ZNF487: variants seen among roughly 807,000 people sequenced by gnomAD.
ZNF487 encodes the protein zinc finger protein 487, also known as KRAB domain only 1.
Under a neutral mutation model 3.0 loss-of-function variants are expected in ZNF487, and 4 were observed. That is an observed-to-expected ratio of 1.35 (90% CI 0.66 to 3.08). The LOEUF (loss-of-function observed/expected upper bound fraction) is 3.08, where lower values mean the gene tolerates loss of function less well. Ranked by LOEUF, ZNF487 falls within the 30% of genes most tolerant of loss-of-function variation. The pLI is 0.01. For synonymous variants in ZNF487, 55 were observed against 34.6 expected, an observed-to-expected ratio of 1.59 and a Z score of -2.06; for missense variants, 146 against 98.7, an observed-to-expected ratio of 1.48 and a Z score of -2.03.
Position 43,482,878 on chromosome 10 carries a change from C to A in ZNF487, c.*956C>A, listed in dbSNP as rs770220655. Reference sequence around the variant, plus strand: ...ATGTTCTACCACAAGTCATCCCTCACAGTACATCAGAGAACCCACACAGGA... The same window carrying A: ...ATGTTCTACCACAAGTCATCCCTCAAAGTACATCAGAGAACCCACACAGGA... On this transcript the variant is annotated 3_prime_UTR_variant, in exon 4 of 4. Transcript: ENST00000437590. The A allele has an allele frequency of 3.8e-6, 2 of 529,560 alleles. No individual in the cohort carries two copies. The highest frequency in any genetic ancestry group is 2.0e-5 in the African/African-American group (1 of 50,888). 32.8% of individuals were successfully genotyped at this position (529,560 alleles called of 1,614,324 possible). A position where few individuals can be genotyped will look rare whatever the true frequency, so the allele number is the denominator to read the frequency against.
chr10:43,441,946 G>A (rs1270226438), intron 1 of ZNF487, among the ~76,000 whole-genome samples: 1 of 152,112 alleles, frequency 6.6e-6, no homozygotes, highest in African/African-American at 2.4e-5. Context: ...TCTTGCTGTG[G>A]TTGGCCATGT....
chr10:43,446,286 G>C (rs988552477), intron 1 of ZNF487, among the ~76,000 whole-genome samples: 2 of 150,948 alleles, frequency 1.3e-5, no homozygotes, highest in Non-Finnish European at 3.0e-5. Context: ...TCCCAGACGG[G>C]GTGGCTGCTG....
At chr10:43,455,415 A>G (rs975920150) in intron 1 of ZNF487, among the ~76,000 whole-genome samples, 1 of 152,242 alleles carries the variant, frequency 6.6e-6, no homozygotes, top group Non-Finnish European at 1.5e-5. Context: ...CAACCACCAC[A>G]TCACTCAGCT....
the ZNF487 span, among the ~76,000 whole-genome samples, chr10:43,501,766 C>A: frequency 2.2e-5 from 3 of 138,878 alleles, no homozygotes; most frequent in Admixed American, 8.1e-5. Context: ...ACAAAAAAAA[C>A]CCACAAAACC....
At chr10:43,456,762 G>A (rs1840219196) in intron 1 of ZNF487, among the ~76,000 whole-genome samples, 1 of 152,024 alleles carries the variant, frequency 6.6e-6, no homozygotes, top group African/African-American at 2.4e-5. Context: ...TGTATTTTTA[G>A]TGAAGATAGA....
chr10:43,450,357 C>T (rs1839963811), intron 1 of ZNF487, among the ~76,000 whole-genome samples: 1 of 147,962 alleles, frequency 6.8e-6, no homozygotes, highest in African/African-American at 2.5e-5. Flanking sequence ...CTCTTTTTTG[C>T]TTTGTTTTTT....
chr10:43,477,821 G>A (rs752853977), intron 3 of ZNF487, among the ~76,000 whole-genome samples: 3 of 151,694 alleles, frequency 2.0e-5, no homozygotes, highest in African/African-American at 4.8e-5. Flanking sequence ...GTGTGGTGGC[G>A]GATGCCTGTA....
intron 1 of ZNF487, among the ~76,000 whole-genome samples, chr10:43,461,180 T>C (rs1020898662): frequency 6.6e-6 from 1 of 151,962 alleles, no homozygotes; most frequent in African/African-American, 2.4e-5. Context: ...CTAATTTTTG[T>C]ATTTATAGTA....
chr10:43,468,424 AACC>A (rs1724508442), intron 1 of ZNF487, among the ~76,000 whole-genome samples: 1 of 152,106 alleles, frequency 6.6e-6, no homozygotes, highest in South Asian at 2.1e-4. Context: ...TCATTCCTGT[AACC>A]CCAGCACTTT....
chr10:43,486,716 C>T (rs540374586), downstream of ZNF487, among the ~76,000 whole-genome samples: 66 of 152,206 alleles, frequency 4.3e-4, no homozygotes, highest in Non-Finnish European at 7.1e-4. Flanking sequence ...AGGATAAAAG[C>T]CATCTTTTTA....
At chr10:43,441,666 A>G (rs1417675879) in intron 1 of ZNF487, among the ~76,000 whole-genome samples, 1 of 151,944 alleles carries the variant, frequency 6.6e-6, no homozygotes, top group Non-Finnish European at 1.5e-5. Flanking sequence ...GGCTCACTGC[A>G]ACGTCTGCCT....
chr10:43,468,881 C>T (rs893553532), intron 1 of ZNF487, among the ~76,000 whole-genome samples: 5 of 141,892 alleles, frequency 3.5e-5, no homozygotes, highest in Admixed American at 7.3e-5. Flanking sequence ...CCCAGCTACT[C>T]GGGAGGCTGA....
the ZNF487 span, among the ~76,000 whole-genome samples, chr10:43,520,189 GT>G: frequency 0.83 from 126,062 of 151,304 alleles, 52,664 homozygotes; most frequent in East Asian, 1. Flanking sequence ...TTCTTGACTA[GT>G]TTTTTTTTTC....
the ZNF487 span, among the ~76,000 whole-genome samples, chr10:43,489,347 ATTTATTTATT>A: frequency 6.6e-6 from 1 of 151,968 alleles, no homozygotes; most frequent in East Asian, 1.9e-4. Flanking sequence ...ACATTTATTT[ATTTATTTATT>A]TTTATTTATT....
intron 1 of ZNF487, among the ~76,000 whole-genome samples, chr10:43,446,670 C>A (rs1447988845): frequency 6.6e-6 from 1 of 150,570 alleles, no homozygotes; most frequent in Non-Finnish European, 1.5e-5. Flanking sequence ...TCTTCCTAGA[C>A]GGGATGACGG....
chr10:43,498,941 CAA>C, the ZNF487 span, among the ~76,000 whole-genome samples: 55 of 86,448 alleles, frequency 6.4e-4, no homozygotes, highest in African/African-American at 7.0e-4. Context: ...GACTCCGTCT[CAA>C]AAAAAAAAAA....
the ZNF487 span, among the ~76,000 whole-genome samples, chr10:43,509,407 T>C: frequency 6.6e-6 from 1 of 150,556 alleles, no homozygotes; most frequent in Non-Finnish European, 1.5e-5. Context: ...TATTTTGCTA[T>C]TGTAGATTTG....
At chr10:43,441,114 C>T (rs1430781015) in intron 1 of ZNF487, among the ~76,000 whole-genome samples, 3 of 116,924 alleles carry the variant, frequency 2.6e-5, no homozygotes, top group South Asian at 3.0e-4. Flanking sequence ...GTCTTGAACT[C>T]GTGGGCTTAA....
the ZNF487 span, among the ~76,000 whole-genome samples, chr10:43,515,928 C>A: frequency 6.6e-6 from 1 of 152,146 alleles, no homozygotes; most frequent in South Asian, 2.1e-4. Context: ...GGCGCACCAC[C>A]ACACCCATCT....
Sources: gnomAD v4.1 joint callset for allele counts (sites outside exome capture counted in the v4.1 genomes callset) on GRCh38, gnomAD v4.1.1 for gene constraint, MANE v1.5 for transcripts, NCBI Gene and HGNC (gene_info 2026-07-23, HGNC 2026-07-21) for gene names.